The following NAALADL2 variants were observed in gnomAD, a reference collection of about 807,000 sequenced individuals.
The protein encoded by NAALADL2 is N-acetylated alpha-linked acidic dipeptidase like 2, also known as inactive N-acetylated-alpha-linked acidic dipeptidase-like protein 2.
In NAALADL2, 76 loss-of-function variants were observed where a neutral mutation model predicts 87.2. The observed-to-expected ratio is 0.87, with a 90% confidence interval of 0.72 to 1.05. The LOEUF is 1.05. Among genes scored for constraint, NAALADL2 ranks in the 50% least tolerant of loss-of-function variants. The pLI is 0.00. For synonymous variants in NAALADL2, 354 were observed against 331.0 expected (o/e 1.07, Z -0.75); for missense variants, 1,089 against 945.8 (o/e 1.15, Z -1.99).
chr3:175,320,603 A>G (rs1759730588), intron 4 of NAALADL2, among the ~76,000 whole-genome samples: 1 of 152,182 alleles, frequency 6.6e-6, no homozygotes, highest in African/African-American at 2.4e-5. Flanking sequence ...GACTGGTGTG[A>G]CAGGCTCAGC....
At chr3:175,142,419 A>C (rs1277679919) in intron 2 of NAALADL2, among the ~76,000 whole-genome samples, 1 of 151,992 alleles carries the variant, frequency 6.6e-6, no homozygotes, top group Non-Finnish European at 1.5e-5. Flanking sequence ...ATGTTACTAT[A>C]TATATTATCT....
At chr3:174,478,633 A>G (rs886212323) in intron 1 of NAALADL2, among the ~76,000 whole-genome samples, 1 of 152,126 alleles carries the variant, frequency 6.6e-6, no homozygotes. Context: ...GTAATTAACA[A>G]TGAATATATT....
chr3:174,758,754 T>G (rs1712478736), intron 3 of NAALADL2, among the ~76,000 whole-genome samples: 2 of 152,208 alleles, frequency 1.3e-5, no homozygotes, highest in Non-Finnish European at 2.9e-5. Flanking sequence ...AGCTTAGCAA[T>G]CTTGTAATGT....
At chr3:175,191,733 A>G (rs1472455000) in intron 2 of NAALADL2, among the ~76,000 whole-genome samples, 1 of 152,224 alleles carries the variant, frequency 6.6e-6, no homozygotes, top group Non-Finnish European at 1.5e-5. Context: ...TTTTGGGGAG[A>G]TAATGTGTAA....
intron 3 of NAALADL2, among the ~76,000 whole-genome samples, chr3:174,813,613 T>G (rs1352017119): frequency 2.0e-5 from 3 of 152,220 alleles, no homozygotes; most frequent in African/African-American, 7.2e-5. Flanking sequence ...TTCTCAGAAC[T>G]TATCCTTGTT....
intron 5 of NAALADL2, among the ~76,000 whole-genome samples, chr3:175,394,511 C>T (rs566261224): frequency 2.6e-5 from 4 of 152,112 alleles, no homozygotes; most frequent in South Asian, 2.1e-4. Flanking sequence ...AAAACACTAC[C>T]GATATTTTTT....
At chr3:175,787,255 C>G (rs951613770) in intron 13 of NAALADL2, among the ~76,000 whole-genome samples, 21 of 152,120 alleles carry the variant, frequency 1.4e-4, no homozygotes, top group African/African-American at 2.7e-4. Context: ...TCGAGCTTCC[C>G]GGCTGCTTTG....
intron 3 of NAALADL2, among the ~76,000 whole-genome samples, chr3:174,752,078 C>T (rs1200083526): frequency 6.6e-6 from 1 of 151,800 alleles, no homozygotes; most frequent in East Asian, 1.9e-4. Context: ...CCCGGGTTCA[C>T]GCCATTCTCC....
At chr3:174,656,169 AACT>A (rs1016712509) in intron 2 of NAALADL2, among the ~76,000 whole-genome samples, 3 of 152,348 alleles carry the variant, frequency 2.0e-5, no homozygotes, top group Admixed American at 2.0e-4. Context: ...CTGGAGGAAG[AACT>A]ACAGCAAACA....
At chr3:175,078,988 A>G (rs1318865211) in intron 1 of NAALADL2, among the ~76,000 whole-genome samples, 3 of 152,208 alleles carry the variant, frequency 2.0e-5, no homozygotes, top group Non-Finnish European at 4.4e-5. Context: ...ACAATGTTTA[A>G]CTTTTTGAGG....
chr3:175,241,289 C>T (rs962499789), intron 3 of NAALADL2, among the ~76,000 whole-genome samples: 8 of 152,154 alleles, frequency 5.3e-5, no homozygotes, highest in East Asian at 1.9e-4. Context: ...GGTGCAACCT[C>T]GGCTCACTGT....
At chr3:175,347,511 G>A (rs968525757) in intron 5 of NAALADL2, among the ~76,000 whole-genome samples, 1 of 152,076 alleles carries the variant, frequency 6.6e-6, no homozygotes, top group African/African-American at 2.4e-5. Context: ...ACACAGCTAA[G>A]CTAAGGTGGG....
intron 2 of NAALADL2, among the ~76,000 whole-genome samples, chr3:175,169,643 T>A (rs1326955217): frequency 6.6e-6 from 1 of 151,782 alleles, no homozygotes; most frequent in Non-Finnish European, 1.5e-5. Context: ...GTTTTTATTT[T>A]TTCTTTATTG....
At chr3:174,787,026 A>T (rs1402107636) in intron 3 of NAALADL2, among the ~76,000 whole-genome samples, 2 of 145,566 alleles carry the variant, frequency 1.4e-5, no homozygotes, top group East Asian at 2.1e-4. Flanking sequence ...TGATTTTATT[A>T]TACTGCAATA....
chr3:174,645,266 A>G (rs1723661173), intron 2 of NAALADL2, among the ~76,000 whole-genome samples: 1 of 152,196 alleles, frequency 6.6e-6, no homozygotes, highest in African/African-American at 2.4e-5. Flanking sequence ...TGTAATTTTG[A>G]CTTTGTTGTA....
intron 12 of NAALADL2, among the ~76,000 whole-genome samples, chr3:175,738,397 G>A (rs1041830463): frequency 2.8e-4 from 43 of 152,050 alleles, no homozygotes; most frequent in African/African-American, 9.9e-4. Flanking sequence ...ACAGGCACAT[G>A]CCACCACACC....
chr3:175,469,952 G>A (rs1298009055), intron 8 of NAALADL2, among the ~76,000 whole-genome samples: 2 of 151,956 alleles, frequency 1.3e-5, no homozygotes, highest in South Asian at 2.1e-4. Flanking sequence ...TCATTTATGT[G>A]CGCTTAAAAT....
intron 4 of NAALADL2, among the ~76,000 whole-genome samples, chr3:175,273,169 C>A (rs1264841197): frequency 6.6e-6 from 1 of 151,834 alleles, no homozygotes; most frequent in Admixed American, 6.6e-5. Context: ...TTATAATTTG[C>A]CTCTAGGTTT....
chr3:175,642,121 G>A (rs1030508229), intron 11 of NAALADL2, among the ~76,000 whole-genome samples: 12 of 152,100 alleles, frequency 7.9e-5, no homozygotes, highest in African/African-American at 2.9e-4. Context: ...TTTATAAAAG[G>A]GATAACTATG....
Sources: gnomAD v4.1 joint callset for allele counts (sites outside exome capture counted in the v4.1 genomes callset) on GRCh38, gnomAD v4.1.1 for gene constraint, MANE v1.5 for transcripts, NCBI Gene and HGNC (gene_info 2026-07-23, HGNC 2026-07-21) for gene names.